Variants in CPLANE1 observed in about 807,000 individuals in gnomAD.
The protein encoded by CPLANE1 is ciliogenesis and planar polarity effector 1.
In CPLANE1, 263 loss-of-function variants were observed where a neutral mutation model predicts 362.5. The ratio of observed to expected loss-of-function variants is 0.73; its 90% CI spans 0.66 to 0.80. The LOEUF (loss-of-function observed/expected upper bound fraction) is 0.80, where lower values mean the gene tolerates loss of function less well. Among genes scored for constraint, CPLANE1 ranks in the 30% least tolerant of loss-of-function variants. The pLI is 0.00. For missense variants in CPLANE1, 3,461 were observed against 3,793.4 expected, an observed-to-expected ratio of 0.91 and a Z score of 2.30; for synonymous variants, 1,212 against 1,302.6, an observed-to-expected ratio of 0.93 and a Z score of 1.50.
intron 19 of CPLANE1, among the ~76,000 whole-genome samples, chr5:37,201,155 A>G (rs1789064000): frequency 6.6e-6 from 1 of 152,206 alleles, no homozygotes; most frequent in South Asian, 2.1e-4. Context: ...ACAAAGAGAT[A>G]AATAAGAGAC....
downstream of CPLANE1, among the ~76,000 whole-genome samples, chr5:37,103,803 C>G (rs1757411758): frequency 6.6e-6 from 1 of 152,020 alleles, no homozygotes. Context: ...AACACTTTTT[C>G]TTTCATTTTG....
chr5:37,131,821 C>T (rs372911990), intron 46 of CPLANE1, among the ~76,000 whole-genome samples: 41 of 152,098 alleles, frequency 2.7e-4, no homozygotes, highest in Admixed American at 1.1e-3. Context: ...TGAGCCACCG[C>T]GCCAGGCCAA....
chr5:37,115,075 G>C, intron 50 of CPLANE1, 26 bp from the exon 51 acceptor site: 1 of 1,352,396 alleles, frequency 7.4e-7, no homozygotes, highest in Non-Finnish European at 1.1e-6. Flanking sequence ...AACATTATTA[G>C]CCTTCCATAG....
At position 37,210,983 on chromosome 5, in the gene CPLANE1, C is replaced by A. The variant is rs139979441; in HGVS notation, c.2920+2576G>T. The A allele has an allele frequency of 1.9e-4, 153 of 785,040 alleles. 1 individual carries two copies. In the East Asian group the frequency reaches 3.7e-3, roughly 19 times the overall value. The allele number at this position is 785,040 out of a possible 1,614,324, so 48.6% of individuals were successfully genotyped here. On this transcript the variant is annotated intron_variant, in intron 16 of 52. Transcript: ENST00000651892. ...TAAAGAGGTTAACTATTCAGGTTGCCGATTTAAAATCGCAATTGAAGCAAA... is the reference window on the plus strand; with the variant it reads ...TAAAGAGGTTAACTATTCAGGTTGCAGATTTAAAATCGCAATTGAAGCAAA...
chr5:37,137,909 T>C (rs983568164), intron 46 of CPLANE1, among the ~76,000 whole-genome samples: 5 of 151,640 alleles, frequency 3.3e-5, no homozygotes, highest in Non-Finnish European at 5.9e-5. Flanking sequence ...ATCAGTCAGA[T>C]ATCAGGGTTG....
intron 6 of CPLANE1, among the ~76,000 whole-genome samples, chr5:37,241,342 C>A (rs1214153796): frequency 6.6e-6 from 1 of 152,064 alleles, no homozygotes; most frequent in East Asian, 1.9e-4. Flanking sequence ...ATAATCCCAG[C>A]TACTCAGGAG....
the CPLANE1 span, among the ~76,000 whole-genome samples, chr5:37,078,714 TA>T: frequency 7.1e-6 from 1 of 140,672 alleles, no homozygotes; most frequent in Admixed American, 7.2e-5. Flanking sequence ...AAGCATCTGT[TA>T]TTTTTTTTTT....
chr5:37,241,148 A>C (rs905526157), intron 6 of CPLANE1, among the ~76,000 whole-genome samples: 9 of 152,116 alleles, frequency 5.9e-5, no homozygotes, highest in South Asian at 2.1e-4. Context: ...AAAAAAAATA[A>C]AATAAAAAAT....
chr5:37,227,793 A>C lies in CPLANE1; in HGVS notation c.1146T>G (p.Asp382Glu). The change falls in exon 10 of 53, where the codon GAT becomes GAG. Residue 382 changes from aspartate to glutamate, a missense_variant. This residue lies in a region of CPLANE1 where 3,380 missense variants were observed against 3,666.1 expected (regional missense o/e 0.92). Coordinates refer to ENST00000651892, the MANE Select transcript of CPLANE1 (RefSeq NM_001384732.1). ...TYRPQQFTFQ[D>E]SNNSVDSSAS... ...CTGATGAATCAACAGAATTATTTGAATCTTGAAACGTAAACTGCTGTGGTC... is the reference window on the plus strand; with the variant it reads ...CTGATGAATCAACAGAATTATTTGACTCTTGAAACGTAAACTGCTGTGGTC... 6.4e-7 allele frequency: 1 copy of C among 1,551,050 alleles called. No homozygotes were observed. The highest frequency in any genetic ancestry group is 1.2e-5 in the South Asian group (1 of 84,002).
intron 43 of CPLANE1, among the ~76,000 whole-genome samples, chr5:37,145,829 T>C (rs901638481): frequency 6.6e-6 from 1 of 151,946 alleles, no homozygotes; most frequent in Non-Finnish European, 1.5e-5. Context: ...ATACAATAAA[T>C]GAACAGTGAT....
chr5:37,221,707 T>C (rs902586782), intron 14 of CPLANE1, among the ~76,000 whole-genome samples: 2 of 152,140 alleles, frequency 1.3e-5, no homozygotes, highest in African/African-American at 2.4e-5. Context: ...ATTATTTTAC[T>C]CAGAAAGAAT....
At chr5:37,121,886 T>C in intron 48 of CPLANE1, 102 bp from the exon 49 acceptor site, 1 of 1,052,164 alleles carries the variant, frequency 9.5e-7, no homozygotes, top group South Asian at 1.6e-5. Context: ...TTCTGGTTTT[T>C]TTTTTTTTTT....
intron 16 of CPLANE1, chr5:37,211,749 G>A (rs1792669929): frequency 1.3e-6 from 1 of 783,582 alleles, no homozygotes; most frequent in Non-Finnish European, 2.4e-6. Context: ...GGAGCAGAAA[G>A]CGGGTCTTTA....
At chr5:37,121,196 T>C (rs1280489511) in intron 49 of CPLANE1, among the ~76,000 whole-genome samples, 2 of 152,154 alleles carry the variant, frequency 1.3e-5, no homozygotes, top group African/African-American at 4.8e-5. Context: ...TGAGCATAAC[T>C]GGGCAGGTCT....
At chr5:37,191,797 G>A (rs545159173) in intron 21 of CPLANE1, among the ~76,000 whole-genome samples, 1 of 152,174 alleles carries the variant, frequency 6.6e-6, no homozygotes. Flanking sequence ...TTATGCCACT[G>A]TATGTCTCTT....
Position 37,209,332 on chromosome 5 carries a change from G to C in CPLANE1, c.2921-2907C>G. On this transcript the variant is annotated intron_variant, in intron 16 of 52. Coordinates refer to ENST00000651892, the MANE Select transcript of CPLANE1 (RefSeq NM_001384732.1). The surrounding 1 kb of genome is among the most constrained non-coding windows in gnomAD (Gnocchi z 4.6). ...CTAAACTCGGGCCACGGCGGGGCGA[G>C]CGAGGCGGGCTCCGGAGGAAGCTGA... is the stretch of plus-strand genomic sequence containing the variant. 5 of 876,288 alleles carry C rather than the reference G, an allele frequency of 5.7e-6. No individual in the cohort carries two copies. The highest frequency in any genetic ancestry group is 5.8e-6 in the Non-Finnish European group (3 of 513,046). 54.3% of individuals were successfully genotyped at this position (876,288 alleles called of 1,614,324 possible).
At chr5:37,140,696 G>A (rs934304219) in intron 44 of CPLANE1, 2 of 985,400 alleles carry the variant, frequency 2.0e-6, no homozygotes, top group Non-Finnish European at 2.4e-6. Context: ...CGAAGATGGT[G>A]ACCTCTTGGG....
chr5:37,228,643 CATT>C (rs1475784032), intron 9 of CPLANE1, among the ~76,000 whole-genome samples: 3 of 151,992 alleles, frequency 2.0e-5, no homozygotes, highest in Admixed American at 6.6e-5. Context: ...TTGCTATTAT[CATT>C]GTTATATGAA....
intron 47 of CPLANE1, 36 bp from the exon 48 acceptor site, chr5:37,122,524 C>A (rs1561318765): frequency 6.7e-7 from 1 of 1,501,326 alleles, no homozygotes; most frequent in Non-Finnish European, 9.2e-7. Context: ...CATTATTGTT[C>A]AATCCAAATA....
Sources: allele counts gnomAD v4.1 joint callset (sites outside exome capture counted in the v4.1 genomes callset), GRCh38; gene constraint gnomAD v4.1.1; regional missense constraint gnomAD v4.1.1; non-coding constraint Gnocchi (gnomAD v3.1); transcripts MANE v1.5; gene names NCBI Gene and HGNC (gene_info 2026-07-23, HGNC 2026-07-21).